MYH3: variants seen among roughly 807,000 people sequenced by gnomAD.
The protein encoded by MYH3 is myosin-3.
Under a neutral mutation model 238.0 loss-of-function variants are expected in MYH3, and 130 were observed. The observed-to-expected ratio is 0.55, with a 90% CI of 0.47 to 0.63. MYH3 has a LOEUF of 0.63. MYH3 is among the 30% of genes least tolerant of loss of function. The pLI is 0.00. For missense variants in MYH3, 1,853 were observed against 2,374.9 expected (o/e 0.78, Z 4.57); for synonymous variants, 880 against 924.1 (o/e 0.95, Z 0.86).
Position 10,642,166 on chromosome 17 carries a change from C to T in MYH3, c.1959+74G>A. 7.3e-7 allele frequency: 1 copy of T among 1,372,352 alleles called. No individual in the cohort carries two copies. 85.0% of individuals were successfully genotyped at this position (1,372,352 alleles called of 1,614,324 possible). ...CACTACTACTCTCAAATAAATCAAG[C>T]TTAGAATCTCAGCATTGCTCATTTA... On this transcript the variant is annotated intron_variant, in intron 17 of 40. Transcript: ENST00000583535. This position sits in a 1 kb window ranked among gnomAD's most constrained non-coding sequence, Gnocchi z 5.4.
intron 1 of MYH3, among the ~76,000 whole-genome samples, chr17:10,656,980 C>G (rs1018950186): frequency 1.3e-5 from 2 of 152,092 alleles, no homozygotes; most frequent in Admixed American, 6.6e-5. Context: ...CAGCTGGGCT[C>G]ACGGGGCATC....
At chr17:10,658,112 G>A (rs1202854124), upstream of MYH3, among the ~76,000 whole-genome samples, 1 of 152,074 alleles carries the variant, frequency 6.6e-6, no homozygotes, top group East Asian at 1.9e-4. Context: ...GATGGGGTAG[G>A]GGGAACGGTG....
rs767809696 is a variant in MYH3, at chr17:10,647,273, C to T, written c.807G>A (p.Leu269=). Residue 269 remains leucine (L), a synonymous_variant, in exon 10 of 41, where the codon CTG becomes CTA. Coordinates refer to ENST00000583535, the MANE Select transcript of MYH3 (RefSeq NM_002470.4). ...LASADIETYL[L]EKSRVTFQLK... is the part of the protein sequence containing the mutation. ...GCTGGAAAGTGACTCTTGATTTTTC[C>T]AGAAGATCTGGAACACAAACACAGG... is the stretch of plus-strand genomic sequence containing the variant. The T allele has an allele frequency of 1.8e-5, 29 of 1,614,006 alleles. No homozygotes were observed. The highest frequency in any genetic ancestry group is 2.4e-5 in the Non-Finnish European group (28 of 1,179,990).
chr17:10,641,185 G>C lies in MYH3; in HGVS notation c.2065C>G (p.Leu689Val). The change falls in exon 19 of 41, where the codon CTT (leucine) becomes GTT (valine). Residue 689 changes from leucine to valine, a missense_variant. Around this residue, in one of 3 missense-constraint regions of MYH3, gnomAD observed 678 missense variants for 1,058.9 expected, o/e 0.64. Coordinates refer to ENST00000583535, the MANE Select transcript of MYH3 (RefSeq NM_002470.4). ...TKTPGAMEHSLVLHQLRCNGV... is the reference protein window; with the variant it reads ...TKTPGAMEHSVVLHQLRCNGV... ...TTACACCGCAGCTGGTGCAGAACAAGGCTGTGTTCCATAGCCCCTGGGAAC... is the reference window on the plus strand; with the variant it reads ...TTACACCGCAGCTGGTGCAGAACAACGCTGTGTTCCATAGCCCCTGGGAAC... 6.2e-7 allele frequency: 1 copy of C among 1,614,160 alleles called. No homozygotes were observed. Among genetic ancestry groups the C allele is most frequent in the Non-Finnish European group, 8.5e-7 (1 of 1,180,032 alleles).
rs376208076 is a variant in MYH3, at chr17:10,630,081, G to A, written c.5562+11C>T. 76 of 1,612,596 alleles carry A rather than the reference G, an allele frequency of 4.7e-5. No individual in the cohort carries two copies. Among genetic ancestry groups the A allele is most frequent in the Admixed American group, 4.2e-4 (25 of 60,000 alleles). ...CAGAGGACACGATCATGGCGTTTGCGTTCCACTTACCTGGTACGTCAGCTC... is the reference window on the plus strand; with the variant it reads ...CAGAGGACACGATCATGGCGTTTGCATTCCACTTACCTGGTACGTCAGCTC... On this transcript the variant is annotated intron_variant, in intron 38 of 40. Coordinates refer to ENST00000583535, the MANE Select transcript of MYH3 (RefSeq NM_002470.4).
chr17:10,654,532 C>T lies in MYH3; in HGVS notation c.204+329G>A, dbSNP rs1276423298. On this transcript the variant is annotated intron_variant, in intron 3 of 40. Coordinates refer to ENST00000583535, the MANE Select transcript of MYH3 (RefSeq NM_002470.4). This position sits in a 1 kb window ranked among gnomAD's most constrained non-coding sequence, Gnocchi z 4.5. ...GCTACCAAAGGAGAGTGTTCTGAAA[C>T]AGCGCTCATTCATGTTGAACTCCCA... Among the ~76,000 whole-genome samples, 1 of 152,240 alleles carries T rather than the reference C, an allele frequency of 6.6e-6. No individual in the cohort carries two copies. The highest frequency in any genetic ancestry group is 1.5e-5 in the Non-Finnish European group (1 of 68,044).
At chr17:10,649,211 T>C (rs2074351477) in intron 7 of MYH3, among the ~76,000 whole-genome samples, 1 of 152,222 alleles carries the variant, frequency 6.6e-6, no homozygotes, top group African/African-American at 2.4e-5. Flanking sequence ...CTCCAGTCAG[T>C]TGTCCGTATT....
At chr17:10,638,495 G>C in intron 26 of MYH3, 63 bp from the exon 27 acceptor site, 1 of 1,592,758 alleles carries the variant, frequency 6.3e-7, no homozygotes, top group Non-Finnish European at 8.5e-7. Flanking sequence ...TGATTGCCAA[G>C]AACAGGCTGG....
rs775645854 is a variant in MYH3, at chr17:10,638,223, T to C, written c.3549A>G (p.Thr1183=). 2 of 1,613,752 alleles carry C rather than the reference T, an allele frequency of 1.2e-6. No homozygotes were observed. Among genetic ancestry groups the C allele is most frequent in the Non-Finnish European group, 1.7e-6 (2 of 1,179,970 alleles). ...CGGCCACCATGGCTTCGTGCTGCAG[T>C]GTGGCCTCCTCCAGGTCCCTGCGCA... ...LKLRRDLEEA[T]LQHEAMVAAL... is the part of the protein sequence containing the mutation. The change falls in exon 27 of 41, where the codon ACA becomes ACG. Residue 1183 remains threonine (T), a synonymous_variant. Coordinates refer to ENST00000583535, the MANE Select transcript of MYH3 (RefSeq NM_002470.4).
upstream of MYH3, among the ~76,000 whole-genome samples, chr17:10,657,904 C>A (rs567223565): frequency 1.3e-5 from 2 of 152,100 alleles, no homozygotes; most frequent in Non-Finnish European, 2.9e-5. Context: ...CTCCTTCTTT[C>A]TCTTATTTTC....
intron 40 of MYH3, among the ~76,000 whole-genome samples, chr17:10,629,250 A>G (rs917205292): frequency 2.0e-5 from 3 of 151,442 alleles, no homozygotes; most frequent in African/African-American, 7.3e-5. Flanking sequence ...TCACTGTTCA[A>G]CTCCCACTAA....
At chr17:10,655,761 C>T in intron 2 of MYH3, among the ~76,000 whole-genome samples, 1 of 152,158 alleles carries the variant, frequency 6.6e-6, no homozygotes, top group South Asian at 2.1e-4. Context: ...AAGCGATACT[C>T]CTGCCTCAGT....
the MYH3 span, chr17:10,673,508 A>G: frequency 1.3e-5 from 2 of 152,216 alleles, no homozygotes; most frequent in Non-Finnish European, 2.9e-5. Context: ...TGTCTCCGTT[A>G]GGAATGGAAT....
chr17:10,630,513 C>A, intron 36 of MYH3, 55 bp from the exon 37 acceptor site: 2 of 1,611,390 alleles, frequency 1.2e-6, no homozygotes, highest in East Asian at 4.5e-5. Context: ...TGCCTTGGAA[C>A]TGTCAAAACC....
At chr17:10,638,537 G>T in intron 26 of MYH3, 105 bp from the exon 27 acceptor site, 2 of 1,457,466 alleles carry the variant, frequency 1.4e-6, no homozygotes, top group Non-Finnish European at 1.9e-6. Context: ...CTGAGTCTTA[G>T]ACTCCCCTCC....
At position 10,631,800 on chromosome 17, in the gene MYH3, T is replaced by C. The variant is rs1451066462; in HGVS notation, c.5160+13A>G. 11 of 1,613,968 alleles carry C rather than the reference T, an allele frequency of 6.8e-6. No individual in the cohort carries two copies. Among genetic ancestry groups the C allele is most frequent in the Non-Finnish European group, 9.3e-6 (11 of 1,180,020 alleles). The stretch of plus-strand genomic sequence containing the variant: ...GGCTGGAACCTCGCCTCTCTTCCTC[T>C]CCCTCCCCTCACCTGGGTATGCAGC... On this transcript the variant is annotated intron_variant, in intron 35 of 40. Transcript: ENST00000583535.
rs1263809805 is a variant in MYH3, at chr17:10,647,350, T to C, written c.799+13A>G. 4 of 1,614,162 alleles carry C rather than the reference T, an allele frequency of 2.5e-6. No homozygotes were observed. The highest frequency in any genetic ancestry group is 1.7e-5 in the Admixed American group (1 of 60,030). On this transcript the variant is annotated intron_variant, in intron 9 of 40. Coordinates refer to ENST00000583535, the MANE Select transcript of MYH3 (RefSeq NM_002470.4). ...ACTCTGAGACGCCATCGAATCCCCA[T>C]GGATCTACTTACAAGTTTCAATATC...
At chr17:10,658,673 C>T (rs1241509248), upstream of MYH3, 1 of 152,236 alleles carries the variant, frequency 6.6e-6, no homozygotes, top group African/African-American at 2.4e-5. Flanking sequence ...GGCCAGTGGC[C>T]GCCAATGGAG....
rs552289340 is a variant in MYH3 at position 10,642,124 on chromosome 17, T to C, written c.1959+116A>G. The C allele has an allele frequency of 2.6e-5, 23 of 872,606 alleles. No individual in the cohort carries two copies. In the East Asian group the frequency reaches 6.1e-4, roughly 23 times the overall value. 54.1% of individuals were successfully genotyped at this position (872,606 alleles called of 1,614,324 possible). On this transcript the variant is annotated intron_variant, in intron 17 of 40. Coordinates refer to ENST00000583535, the MANE Select transcript of MYH3 (RefSeq NM_002470.4). The surrounding 1 kb of genome is among the most constrained non-coding windows in gnomAD (Gnocchi z 5.4). ...ATCTGTCACTTCACCTCAGTGACAG[T>C]AATCAGATTAAGACAACACTACTAC...
Sources: allele counts gnomAD v4.1 joint callset (sites outside exome capture counted in the v4.1 genomes callset), GRCh38; gene constraint gnomAD v4.1.1; regional missense constraint gnomAD v4.1.1; non-coding constraint Gnocchi (gnomAD v3.1); transcripts MANE v1.5; gene names NCBI Gene and HGNC (gene_info 2026-07-23, HGNC 2026-07-21).